Variants in FLCN observed in about 807,000 individuals in gnomAD.
The protein encoded by FLCN is BHD skin lesion fibrofolliculoma protein.
A neutral mutation model predicts 62.5 loss-of-function variants in FLCN; 22 were observed. That is an observed-to-expected ratio of 0.35 (90% CI 0.25 to 0.50). The LOEUF is 0.50. FLCN is among the 20% of genes least tolerant of loss of function. FLCN has a pLI of 0.97. For missense variants in FLCN, 657 were observed against 778.0 expected (o/e 0.84, Z 1.85); for synonymous variants, 319 against 310.0 (o/e 1.03, Z -0.30).
At position 17,213,407 on chromosome 17, in the gene FLCN, C is replaced by T; in HGVS notation, c.*248G>A. ...TAGTCGTCTCTCCAAGGAGTTTGAA[C>T]ACAGAGAGAGCCCATCATCCCTCCG... On this transcript the variant is annotated 3_prime_UTR_variant, in exon 14 of 14. Coordinates refer to ENST00000285071, the MANE Select transcript of FLCN (RefSeq NM_144997.7). The T allele has an allele frequency of 1.7e-6, 1 of 595,936 alleles. No individual in the cohort carries two copies. Among genetic ancestry groups the T allele is most frequent in the Admixed American group, 2.8e-5 (1 of 35,978 alleles). The allele number at this position is 595,936 out of a possible 1,614,324, so 36.9% of individuals were successfully genotyped here.
In FLCN at chr17:17,214,443, T is replaced by C. The variant is rs1344419694; in HGVS notation, c.1538+542A>G. 7.9e-5 allele frequency among the ~76,000 whole-genome samples: 12 copies of C among 151,450 alleles called. No homozygotes were observed. The East Asian group carries it at 2.0e-3, about 25-fold the overall frequency. On this transcript the variant is annotated intron_variant, in intron 13 of 13. Coordinates refer to ENST00000285071, the MANE Select transcript of FLCN (RefSeq NM_144997.7). ...ACCCTGTCTCTACTAAAAATACAAA[T>C]ATTAGCCAGGCATGGTGGTGGGTGC...
In FLCN at chr17:17,230,663, T is replaced by C. The variant is rs531125307; in HGVS notation, c.-25+1131A>G. 1.4e-3 allele frequency among the ~76,000 whole-genome samples: 213 copies of C among 150,848 alleles called. 2 individuals carry two copies. The highest frequency in any genetic ancestry group is 5.1e-3 in the African/African-American group (208 of 41,040). ...ATCACTTGAACCTGGGAGGCGGAGG[T>C]TGCAGTGAGCCAAGACTAGGTCACT... is the stretch of plus-strand genomic sequence containing the variant. On this transcript the variant is annotated intron_variant, in intron 3 of 13. Transcript: ENST00000285071.
chr17:17,214,634 G>C (rs988186430), intron 13 of FLCN, among the ~76,000 whole-genome samples: 2 of 152,050 alleles, frequency 1.3e-5, no homozygotes, highest in African/African-American at 4.8e-5. Context: ...AATAAAAAGC[G>C]GGGTGGGGCA....
chr17:17,230,847 C>T (rs973988848), intron 3 of FLCN, among the ~76,000 whole-genome samples: 1 of 151,586 alleles, frequency 6.6e-6, no homozygotes, highest in Non-Finnish European at 1.5e-5. Flanking sequence ...GAGCTGAGAT[C>T]GTACTACTAC....
Position 17,215,001 on chromosome 17 carries a change from T to C in FLCN, c.1522A>G (p.Lys508Glu). 2 of 1,614,080 alleles carry C rather than the reference T, an allele frequency of 1.2e-6. No homozygotes were observed. Among genetic ancestry groups the C allele is most frequent in the Non-Finnish European group, 1.7e-6 (2 of 1,180,014 alleles). The change falls in exon 13 of 14, where the codon AAG becomes GAG. Residue 508 changes from lysine (K) to glutamate (E), a missense_variant. Transcript: ENST00000285071. ...GTTGCTTACTTCATCCACTCCTCCT[T>C]GAGGCAGACGAGGCACTGGTCCACC... ...DVVDQCLVCL[K>E]EEWMNKVKVL...
chr17:17,227,215 A>G (rs1035023416), intron 4 of FLCN, among the ~76,000 whole-genome samples: 6 of 152,140 alleles, frequency 3.9e-5, no homozygotes, highest in Non-Finnish European at 7.4e-5. Context: ...CAGGTCCTCC[A>G]CAAAAACAAG....
At chr17:17,235,647 T>C (rs532671333) in intron 1 of FLCN, 2 of 152,284 alleles carry the variant, frequency 1.3e-5, no homozygotes, top group South Asian at 4.1e-4. Context: ...TAGACCTCTC[T>C]GAATACCACC....
intron 13 of FLCN, 48 bp from the exon 14 acceptor site, chr17:17,213,904 C>T (rs746754341): frequency 3.6e-5 from 58 of 1,604,376 alleles, no homozygotes; most frequent in South Asian, 3.3e-5. Flanking sequence ...CACAATCCCT[C>T]GAGCCCTGGT....
In FLCN at chr17:17,216,262, G is replaced by T; in HGVS notation, c.1300+118C>A. The stretch of plus-strand genomic sequence containing the variant: ...GAGGCCCAGAGCCATGGGGGAAGCT[G>T]GCCCTGCAATGAGGCCTCCTCTCCA... On this transcript the variant is annotated intron_variant, in intron 11 of 13. Coordinates refer to ENST00000285071, the MANE Select transcript of FLCN (RefSeq NM_144997.7). This position sits in a 1 kb window ranked among gnomAD's most constrained non-coding sequence, Gnocchi z 4.0. The T allele has an allele frequency of 6.9e-7, 1 of 1,441,622 alleles. No homozygotes were observed. The highest frequency in any genetic ancestry group is 9.4e-7 in the Non-Finnish European group (1 of 1,061,928). 89.3% of individuals were successfully genotyped at this position (1,441,622 alleles called of 1,614,324 possible). A position where few individuals can be genotyped will look rare whatever the true frequency, so the allele number is the denominator to read the frequency against.
In FLCN at chr17:17,213,298, GCGA is replaced by G. The variant is rs2046805497; in HGVS notation, c.*354_*356del. On this transcript the variant is annotated 3_prime_UTR_variant, in exon 14 of 14. Coordinates refer to ENST00000285071, the MANE Select transcript of FLCN (RefSeq NM_144997.7). ...TAACCTCGGGAGCAGACATGTTATT[GCGA>G]CTGCATACTGAGTCGGACCTGTTTC... 2.2e-6 allele frequency: 1 copy of G among 454,164 alleles called. No individual in the cohort carries two copies. The highest frequency in any genetic ancestry group is 1.9e-5 in the African/African-American group (1 of 51,704). 28.1% of individuals were successfully genotyped at this position (454,164 alleles called of 1,614,324 possible). A position where few individuals can be genotyped will look rare whatever the true frequency, so the allele number is the denominator to read the frequency against.
chr17:17,223,437 G>T (rs186316793), intron 6 of FLCN, among the ~76,000 whole-genome samples: 1 of 152,186 alleles, frequency 6.6e-6, no homozygotes, highest in African/African-American at 2.4e-5. Context: ...CTGCCAGGAC[G>T]ACCACAGCAA....
intron 8 of FLCN, chr17:17,219,565 C>CTTTT (rs33981693): frequency 1.3e-4 from 16 of 126,362 alleles, no homozygotes; most frequent in South Asian, 4.7e-4. Flanking sequence ...TTTTTTTCCA[C>CTTTT]TTTTTTTTTT....
At chr17:17,227,180 C>T (rs1042421220) in intron 4 of FLCN, among the ~76,000 whole-genome samples, 3 of 152,104 alleles carry the variant, frequency 2.0e-5, no homozygotes, top group African/African-American at 7.2e-5. Flanking sequence ...GGTCCAACAC[C>T]CACCCCTGAT....
At chr17:17,218,844 T>A (rs1237056670) in intron 9 of FLCN, among the ~76,000 whole-genome samples, 175 bp downstream of exon 9, 2 of 152,180 alleles carry the variant, frequency 1.3e-5, no homozygotes, top group African/African-American at 4.8e-5. Flanking sequence ...GGAGCACTGA[T>A]CCTATGGCTA....
At position 17,216,826 on chromosome 17, in the gene FLCN, G is replaced by A; in HGVS notation, c.1176+243C>T. The A allele has an allele frequency of 1.6e-6, 1 of 611,276 alleles. No individual in the cohort carries two copies. The highest frequency in any genetic ancestry group is 1.9e-5 in the South Asian group (1 of 52,580). 37.9% of individuals were successfully genotyped at this position (611,276 alleles called of 1,614,324 possible). On this transcript the variant is annotated intron_variant, in intron 10 of 13. Transcript: ENST00000285071. The surrounding 1 kb of genome is among the most constrained non-coding windows in gnomAD (Gnocchi z 4.0). ...CCACAAAGAAGCTTTTACCAAGACT[G>A]TGTCATATGCATTTTTGTTCCCTCT...
intron 5 of FLCN, 27 bp from the exon 6 acceptor site, chr17:17,224,170 G>T: frequency 6.4e-7 from 1 of 1,550,882 alleles, no homozygotes; most frequent in East Asian, 2.4e-5. Flanking sequence ...GACTCAGACA[G>T]CCCTTTCCTC....
chr17:17,215,671 TG>T (rs1299127410), intron 11 of FLCN, among the ~76,000 whole-genome samples: 1 of 152,106 alleles, frequency 6.6e-6, no homozygotes, highest in Non-Finnish European at 1.5e-5. Flanking sequence ...CTGCTCGTAG[TG>T]GTAAGAATTT....
intron 4 of FLCN, among the ~76,000 whole-genome samples, chr17:17,226,899 C>T (rs780435958): frequency 7.5e-4 from 114 of 152,306 alleles, no homozygotes; most frequent in Non-Finnish European, 1.3e-3. Context: ...TGAGGCTGTG[C>T]GCCCTGGAGC....
At chr17:17,222,456 C>T (rs1295441646) in intron 7 of FLCN, 45 bp downstream of exon 7, 2 of 1,613,132 alleles carry the variant, frequency 1.2e-6, no homozygotes, top group Non-Finnish European at 1.7e-6. Context: ...TGTATCGTGA[C>T]TGCTCTATCC....
Sources: gnomAD v4.1 joint callset for allele counts (sites outside exome capture counted in the v4.1 genomes callset) on GRCh38, gnomAD v4.1.1 for gene constraint, Gnocchi (gnomAD v3.1) non-coding constraint, MANE v1.5 for transcripts, NCBI Gene and HGNC (gene_info 2026-07-23, HGNC 2026-07-21) for gene names.